Variants in SLC67A2 observed in about 807,000 individuals in gnomAD.
SLC67A2 encodes the protein solute carrier family 67 member 2, also known as solute carrier family 67 member A2.
the SLC67A2 span, among the ~76,000 whole-genome samples, chr2:102,726,098 A>C: frequency 1.3e-5 from 2 of 152,248 alleles, no homozygotes; most frequent in Non-Finnish European, 2.9e-5. Flanking sequence ...GCTAGTTCAA[A>C]ATGTTAAAAA....
At chr2:102,723,819 T>C in the SLC67A2 span, 2 of 1,614,190 alleles carry the variant, frequency 1.2e-6, no homozygotes, top group Admixed American at 3.3e-5. Flanking sequence ...GGAGGCTGTG[T>C]TGAAGTGTCC....
chr2:102,730,612 G>A, the SLC67A2 span, among the ~76,000 whole-genome samples: 1 of 148,592 alleles, frequency 6.7e-6, no homozygotes, highest in Non-Finnish European at 1.5e-5. Flanking sequence ...GTGCGATCTC[G>A]GCTCACTGCA....
chr2:102,735,290 A>C, the SLC67A2 span, among the ~76,000 whole-genome samples: 3 of 152,158 alleles, frequency 2.0e-5, no homozygotes, highest in Admixed American at 2.0e-4. Context: ...CTCCCTGAAG[A>C]CCTTGTGTTT....
the SLC67A2 span, chr2:102,736,734 T>G: frequency 6.2e-7 from 1 of 1,613,766 alleles, no homozygotes; most frequent in Non-Finnish European, 8.5e-7. Flanking sequence ...TCCTGTCTTC[T>G]GCTCCTGTTT....
the SLC67A2 span, among the ~76,000 whole-genome samples, chr2:102,723,498 A>C: frequency 6.6e-6 from 1 of 151,846 alleles, no homozygotes; most frequent in Non-Finnish European, 1.5e-5. Context: ...AGAAAAGAGA[A>C]CTCTGGCACA....
chr2:102,718,687 G>C, the SLC67A2 span: 1 of 1,614,054 alleles, frequency 6.2e-7, no homozygotes. Context: ...TGGCAGTGGA[G>C]AAGGACAGGA....
At chr2:102,719,299 T>C in the SLC67A2 span, 1,179 of 1,273,892 alleles carry the variant, frequency 9.3e-4, 3 homozygotes, top group Non-Finnish European at 1.2e-3. Context: ...TTGTGTTAGA[T>C]TACTAATCTA....
chr2:102,718,780 C>T, the SLC67A2 span: 2 of 1,613,802 alleles, frequency 1.2e-6, no homozygotes, highest in South Asian at 2.2e-5. Flanking sequence ...TGCTGGAATG[C>T]AGCAGCAGTG....
the SLC67A2 span, among the ~76,000 whole-genome samples, chr2:102,720,300 G>T: frequency 6.6e-6 from 1 of 152,146 alleles, no homozygotes; most frequent in Non-Finnish European, 1.5e-5. Context: ...GGAGGATGTG[G>T]ACTTTTAATA....
chr2:102,722,447 G>A, the SLC67A2 span, among the ~76,000 whole-genome samples: 4 of 152,204 alleles, frequency 2.6e-5, no homozygotes. Flanking sequence ...ACAACTGGGG[G>A]TCTGTAGCAG....
chr2:102,729,844 T>C, the SLC67A2 span, among the ~76,000 whole-genome samples: 1 of 152,226 alleles, frequency 6.6e-6, no homozygotes, highest in Non-Finnish European at 1.5e-5. Context: ...ATATATGAAA[T>C]ACTTCAATAA....
At chr2:102,717,829 C>T in the SLC67A2 span, 2 of 152,722 alleles carry the variant, frequency 1.3e-5, no homozygotes, top group Admixed American at 6.5e-5. Flanking sequence ...CACCCAGGCC[C>T]ACTGAATCAT....
chr2:102,730,839 G>A, the SLC67A2 span, among the ~76,000 whole-genome samples: 8 of 152,286 alleles, frequency 5.3e-5, no homozygotes, highest in East Asian at 1.9e-4. Flanking sequence ...GTGAGCCACC[G>A]CGCCCAGCCT....
the SLC67A2 span, among the ~76,000 whole-genome samples, chr2:102,715,689 C>T: frequency 6.6e-6 from 1 of 152,092 alleles, no homozygotes; most frequent in Non-Finnish European, 1.5e-5. Context: ...AGGTTCAATA[C>T]TCCTAAAATA....
the SLC67A2 span, chr2:102,726,810 ACGTTTG>A: frequency 6.6e-7 from 1 of 1,521,426 alleles, no homozygotes; most frequent in African/African-American, 1.6e-5. Flanking sequence ...GGGGGAAGCT[ACGTTTG>A]AAAAAAAAAA....
chr2:102,719,908 C>T, the SLC67A2 span, among the ~76,000 whole-genome samples: 1 of 152,156 alleles, frequency 6.6e-6, no homozygotes, highest in Non-Finnish European at 1.5e-5. Flanking sequence ...GCAGGTCACA[C>T]CTGCAAAACC....
chr2:102,717,108 C>A, the SLC67A2 span: 3 of 152,206 alleles, frequency 2.0e-5, no homozygotes, highest in Non-Finnish European at 4.4e-5. Flanking sequence ...TCTTGGCTCA[C>A]CGCAAGCTCC....
the SLC67A2 span, chr2:102,718,933 A>G: frequency 6.2e-7 from 1 of 1,614,254 alleles, no homozygotes; most frequent in East Asian, 2.2e-5. Context: ...GGACAAAGTT[A>G]CTGTAGTACA....
the SLC67A2 span, chr2:102,718,687 G>A: frequency 1.9e-6 from 3 of 1,614,054 alleles, no homozygotes; most frequent in Non-Finnish European, 2.5e-6. Flanking sequence ...TGGCAGTGGA[G>A]AAGGACAGGA....
Sources: gnomAD v4.1 joint callset for allele counts (sites outside exome capture counted in the v4.1 genomes callset) on GRCh38, gnomAD v4.1.1 for gene constraint, MANE v1.5 for transcripts, NCBI Gene and HGNC (gene_info 2026-07-23, HGNC 2026-07-21) for gene names.